The following CLIP2 variants were observed in gnomAD, a reference collection of about 807,000 sequenced individuals.
CLIP2 encodes the protein CAP-Gly domain containing linker protein 2, also known as CAP-Gly domain-containing linker protein 2.
CLIP2 carries 41 observed loss-of-function variants against 111.7 expected under a neutral mutation model. The ratio of observed to expected loss-of-function variants is 0.37; its 90% CI spans 0.29 to 0.48. The LOEUF (loss-of-function observed/expected upper bound fraction) is 0.48, where lower values mean the gene tolerates loss of function less well. Among genes scored for constraint, CLIP2 ranks in the 20% least tolerant of loss-of-function variants. CLIP2 has a pLI of 0.99. For missense variants in CLIP2, 1,160 were observed against 1,422.1 expected, an observed-to-expected ratio of 0.82 and a Z score of 2.96; for synonymous variants, 660 against 644.2, an observed-to-expected ratio of 1.02 and a Z score of -0.37.
At position 74,338,375 on chromosome 7, in the gene CLIP2, T is replaced by G. The variant is rs1432582149; in HGVS notation, c.122-73T>G. 1 of 1,510,330 alleles carries G rather than the reference T, an allele frequency of 6.6e-7. No individual in the cohort carries two copies. The highest frequency in any genetic ancestry group is 8.9e-7 in the Non-Finnish European group (1 of 1,118,570). 93.6% of individuals were successfully genotyped at this position (1,510,330 alleles called of 1,614,324 possible). A position where few individuals can be genotyped will look rare whatever the true frequency, so the allele number is the denominator to read the frequency against. On this transcript the variant is annotated intron_variant, in intron 2 of 16. Transcript: ENST00000223398. The surrounding 1 kb of genome is among the most constrained non-coding windows in gnomAD (Gnocchi z 4.3). Reference sequence around the variant, plus strand: ...AATCAGCCACCTCCCAACCCTAGACTCTGTGCTCCTGGGGCCACCCAGGGG... The same window carrying G: ...AATCAGCCACCTCCCAACCCTAGACGCTGTGCTCCTGGGGCCACCCAGGGG...
At chr7:74,348,789 C>CAAAA (rs377752236) in intron 3 of CLIP2, among the ~76,000 whole-genome samples, 1 of 108,414 alleles carries the variant, frequency 9.2e-6, no homozygotes, top group South Asian at 3.1e-4. Flanking sequence ...GACTCTGTCT[C>CAAAA]AAAAAAAAAA....
intron 7 of CLIP2, among the ~76,000 whole-genome samples, chr7:74,360,740 G>A (rs1244221491): frequency 6.6e-6 from 1 of 151,992 alleles, no homozygotes; most frequent in Admixed American, 6.6e-5. Flanking sequence ...TTGTAGAGAT[G>A]GGGTTTTGGC....
intron 9 of CLIP2, 142 bp downstream of exon 9, chr7:74,373,178 T>C (rs574327454): frequency 3.3e-6 from 2 of 602,408 alleles, no homozygotes; most frequent in Non-Finnish European, 5.8e-6. Flanking sequence ...TGCATCCCCT[T>C]GGAGGAGGGA....
At chr7:74,317,090 A>G (rs1788797560) in intron 1 of CLIP2, among the ~76,000 whole-genome samples, 1 of 152,198 alleles carries the variant, frequency 6.6e-6, no homozygotes, top group Admixed American at 6.6e-5. Flanking sequence ...GGGATAGAAG[A>G]TGAAACATCT....
chr7:74,401,991 A>G (rs1477158151), intron 16 of CLIP2, among the ~76,000 whole-genome samples: 1 of 152,058 alleles, frequency 6.6e-6, no homozygotes, highest in Non-Finnish European at 1.5e-5. Flanking sequence ...GGCTGGGCAC[A>G]GTGGCTCATG....
intron 1 of CLIP2, among the ~76,000 whole-genome samples, chr7:74,292,574 G>A (rs1788055951): frequency 6.6e-6 from 1 of 151,970 alleles, no homozygotes; most frequent in African/African-American, 2.4e-5. Context: ...TTTTAGTAGA[G>A]GCAGGGTTTC....
intron 2 of CLIP2, among the ~76,000 whole-genome samples, chr7:74,322,073 C>A (rs2116513341): frequency 6.9e-6 from 1 of 145,938 alleles, no homozygotes; most frequent in South Asian, 2.2e-4. Context: ...CTGATTGCAA[C>A]CTCTGCCTCC....
At chr7:74,380,784 C>A in intron 10 of CLIP2, 22 bp from the exon 11 acceptor site, 1 of 1,597,402 alleles carries the variant, frequency 6.3e-7, no homozygotes. Flanking sequence ...GAGCATCCCC[C>A]TTACAGGGGC....
At chr7:74,388,973 C>G in intron 12 of CLIP2, 130 bp from the exon 13 acceptor site, 1 of 1,125,100 alleles carries the variant, frequency 8.9e-7, no homozygotes, top group South Asian at 1.6e-5. Flanking sequence ...ACCGTCAAAA[C>G]TATGCAGTGG....
At chr7:74,320,905 G>A (rs1313531590) in intron 2 of CLIP2, among the ~76,000 whole-genome samples, 1 of 152,178 alleles carries the variant, frequency 6.6e-6, no homozygotes, top group Non-Finnish European at 1.5e-5. Context: ...CTAATGGCTA[G>A]AGAAGGGCAC....
In CLIP2 at chr7:74,316,017, T is replaced by C. The variant is rs557738816; in HGVS notation, c.-67-1463T>C. Among the ~76,000 whole-genome samples, 384 of 151,384 alleles carry C rather than the reference T, an allele frequency of 2.5e-3. 3 individuals are homozygous for C. The highest frequency in any genetic ancestry group is 1.1e-3 in the Non-Finnish European group (77 of 67,876). On this transcript the variant is annotated intron_variant, in intron 1 of 16. Coordinates refer to ENST00000223398, the MANE Select transcript of CLIP2 (RefSeq NM_003388.5). The stretch of plus-strand genomic sequence containing the variant: ...TTAAGCCCAGCATGCATCAGCTATT[T>C]TTCCTGATGCTCTCCCTCCCCCCGC...
chr7:74,388,997 C>T, intron 12 of CLIP2, 106 bp from the exon 13 acceptor site: 1 of 1,367,734 alleles, frequency 7.3e-7, no homozygotes, highest in Non-Finnish European at 9.9e-7. Context: ...ATGTCACCTT[C>T]ATCCCCTGGG....
intron 1 of CLIP2, among the ~76,000 whole-genome samples, chr7:74,293,060 G>A (rs1788070823): frequency 1.3e-5 from 2 of 152,166 alleles, no homozygotes; most frequent in East Asian, 1.9e-4. Flanking sequence ...TAAGGCTGAC[G>A]TGGCCCCTTT....
In CLIP2 at chr7:74,364,281, TGGA is replaced by T; in HGVS notation, c.1354_1356del (p.Glu452del). ...AAGGTGGAGGATCTGCAGTTCCGCG[TGGA>T]GGAGGAGTCCATCACCAAGGGAGAC... On this transcript the variant is annotated inframe_deletion, in exon 8 of 17. Coordinates refer to ENST00000223398, the MANE Select transcript of CLIP2 (RefSeq NM_003388.5). The T allele has an allele frequency of 6.2e-7, 1 of 1,613,736 alleles. No individual in the cohort carries two copies. The highest frequency in any genetic ancestry group is 8.5e-7 in the Non-Finnish European group (1 of 1,179,868).
At chr7:74,315,639 C>T (rs1296246261) in intron 1 of CLIP2, among the ~76,000 whole-genome samples, 1 of 151,388 alleles carries the variant, frequency 6.6e-6, no homozygotes. Context: ...GGTGCGATCT[C>T]GGCTCACTGC....
intron 2 of CLIP2, among the ~76,000 whole-genome samples, chr7:74,326,178 T>G (rs1314435562): frequency 1.3e-5 from 2 of 152,036 alleles, no homozygotes; most frequent in East Asian, 3.9e-4. Context: ...AGGCAGAGGT[T>G]GTAGTGAGCC....
At chr7:74,291,188 C>T (rs1420245537) in intron 1 of CLIP2, among the ~76,000 whole-genome samples, 2 of 152,020 alleles carry the variant, frequency 1.3e-5, no homozygotes, top group African/African-American at 4.8e-5. Flanking sequence ...CAGGTGGAGG[C>T]GGTGGAGATG....
At chr7:74,354,562 C>T (rs1424215030) in intron 4 of CLIP2, among the ~76,000 whole-genome samples, 1 of 152,040 alleles carries the variant, frequency 6.6e-6, no homozygotes, top group African/African-American at 2.4e-5. Flanking sequence ...TTGCAGTGAG[C>T]CAAGATCGCA....
chr7:74,309,334 G>C (rs1362672520), intron 1 of CLIP2, among the ~76,000 whole-genome samples: 2 of 151,960 alleles, frequency 1.3e-5, no homozygotes, highest in African/African-American at 4.8e-5. Flanking sequence ...TGTATGGTTT[G>C]ATGACTTCTA....
Sources: allele counts gnomAD v4.1 joint callset (sites outside exome capture counted in the v4.1 genomes callset), GRCh38; gene constraint gnomAD v4.1.1; non-coding constraint Gnocchi (gnomAD v3.1); transcripts MANE v1.5; gene names NCBI Gene and HGNC (gene_info 2026-07-23, HGNC 2026-07-21).